Variants in ARHGAP15 observed in about 807,000 individuals in gnomAD.
ARHGAP15 encodes rho GTPase-activating protein 15.
Under a neutral mutation model 63.7 loss-of-function variants are expected in ARHGAP15, and 51 were observed. That is an observed-to-expected ratio of 0.80 (90% CI 0.64 to 1.01). The LOEUF (loss-of-function observed/expected upper bound fraction) is 1.01, where lower values mean the gene tolerates loss of function less well. Among genes scored for constraint, ARHGAP15 ranks in the 50% least tolerant of loss-of-function variants. The pLI, the probability that ARHGAP15 is intolerant of heterozygous loss-of-function variation, is 0.00. For synonymous variants in ARHGAP15, 191 were observed against 193.8 expected, an observed-to-expected ratio of 0.99 and a Z score of 0.12; for missense variants, 560 against 564.6, an observed-to-expected ratio of 0.99 and a Z score of 0.08.
chr2:143,153,777 A>ATCT lies in ARHGAP15; in HGVS notation c.-14-1634_-14-1632dup, dbSNP rs1175995548. Among the ~76,000 whole-genome samples the ATCT allele has an allele frequency of 3.1e-3, 263 of 85,238 alleles. 8 individuals carry two copies. The highest frequency in any genetic ancestry group is 9.4e-3 in the African/African-American group (217 of 23,172). 55.9% of individuals were successfully genotyped at this position (85,238 alleles called of 152,430 possible). On this transcript the variant is annotated intron_variant, in intron 1 of 13. Transcript: ENST00000295095. ...TTATATAAATGAAATTATATAATAA[A>ATCT]TCTTCTTCTTCTTCTTCTTCTTCTT... is the stretch of plus-strand genomic sequence containing the variant.
At chr2:143,712,257 A>C (rs1684615129) in intron 13 of ARHGAP15, among the ~76,000 whole-genome samples, 1 of 152,274 alleles carries the variant, frequency 6.6e-6, no homozygotes, top group Admixed American at 6.5e-5. Context: ...GATGGCACCC[A>C]GATTTTGAAT....
At chr2:143,672,068 A>T (rs1013153481) in intron 12 of ARHGAP15, among the ~76,000 whole-genome samples, 2 of 152,236 alleles carry the variant, frequency 1.3e-5, no homozygotes, top group African/African-American at 2.4e-5. Context: ...GAAACATATC[A>T]GTAATTATAA....
At chr2:143,526,443 G>C (rs1333565521) in intron 10 of ARHGAP15, among the ~76,000 whole-genome samples, 1 of 152,122 alleles carries the variant, frequency 6.6e-6, no homozygotes, top group East Asian at 1.9e-4. Context: ...CTTGGAGTCA[G>C]TTGGAAGGAA....
At chr2:143,605,920 C>T (rs1697989007) in intron 11 of ARHGAP15, among the ~76,000 whole-genome samples, 1 of 145,828 alleles carries the variant, frequency 6.9e-6, no homozygotes, top group Admixed American at 6.9e-5. Flanking sequence ...CCTGTAGTTC[C>T]AGCTACTTGG....
At chr2:143,196,854 A>C (rs1691902745) in intron 2 of ARHGAP15, among the ~76,000 whole-genome samples, 1 of 151,990 alleles carries the variant, frequency 6.6e-6, no homozygotes, top group Non-Finnish European at 1.5e-5. Context: ...AATACATTAA[A>C]GCTTCTCAGA....
At chr2:143,332,143 T>C (rs771821511) in intron 6 of ARHGAP15, among the ~76,000 whole-genome samples, 3 of 152,158 alleles carry the variant, frequency 2.0e-5, no homozygotes, top group Non-Finnish European at 4.4e-5. Flanking sequence ...GTACAATAAT[T>C]AGATCATGGT....
chr2:143,257,710 C>A (rs1680496965), intron 6 of ARHGAP15, among the ~76,000 whole-genome samples: 2 of 152,068 alleles, frequency 1.3e-5, no homozygotes, highest in African/African-American at 2.4e-5. Context: ...CGCACTTTCT[C>A]TGTTTTCCCA....
rs532539266 is a variant in ARHGAP15 at position 143,763,702 on chromosome 2, A to G, written c.1245-4287A>G. Among the ~76,000 whole-genome samples, 168 of 129,084 alleles carry G rather than the reference A, an allele frequency of 1.3e-3. 2 individuals carry two copies. Among genetic ancestry groups the G allele is most frequent in the Non-Finnish European group, 1.5e-3 (92 of 62,102 alleles). 84.7% of individuals were successfully genotyped at this position (129,084 alleles called of 152,430 possible). A position where few individuals can be genotyped will look rare whatever the true frequency, so the allele number is the denominator to read the frequency against. ...AAATTGCATATGTATATGTATGTGTATGTATATGTGTATGTATATGTATGT... is the reference window on the plus strand; with the variant it reads ...AAATTGCATATGTATATGTATGTGTGTGTATATGTGTATGTATATGTATGT... On this transcript the variant is annotated intron_variant, in intron 13 of 13. Transcript: ENST00000295095.
At chr2:143,481,437 A>G (rs965184163) in intron 8 of ARHGAP15, among the ~76,000 whole-genome samples, 1 of 152,196 alleles carries the variant, frequency 6.6e-6, no homozygotes, top group African/African-American at 2.4e-5. Context: ...ATGTAATTGT[A>G]ACATGGGAAT....
chr2:143,455,170 G>A lies in ARHGAP15; in HGVS notation c.703+18128G>A, dbSNP rs564896576. 5.3e-5 allele frequency among the ~76,000 whole-genome samples: 8 copies of A among 152,102 alleles called. No homozygotes were observed. The South Asian group carries it at 6.2e-4, about 12-fold the overall frequency. On this transcript the variant is annotated intron_variant, in intron 8 of 13. Coordinates refer to ENST00000295095, the MANE Select transcript of ARHGAP15 (RefSeq NM_018460.4). ...CTGCTGGTTGGCTATTTTTATTGTC[G>A]TTTCTTGATTATATGCTAAACAAGG...
At chr2:143,371,594 T>TG (rs1262952175) in intron 6 of ARHGAP15, among the ~76,000 whole-genome samples, 1 of 152,224 alleles carries the variant, frequency 6.6e-6, no homozygotes, top group African/African-American at 2.4e-5. Context: ...TGATTTGGTT[T>TG]GGTAATAATC....
chr2:143,399,490 A>G (rs965157595), intron 6 of ARHGAP15, among the ~76,000 whole-genome samples: 1 of 152,082 alleles, frequency 6.6e-6, no homozygotes, highest in Non-Finnish European at 1.5e-5. Context: ...AAATAATAAT[A>G]ATAACGATAA....
At chr2:143,765,630 G>C (rs1686922761) in intron 13 of ARHGAP15, among the ~76,000 whole-genome samples, 1 of 152,120 alleles carries the variant, frequency 6.6e-6, no homozygotes, top group Non-Finnish European at 1.5e-5. Context: ...CTATCACCAG[G>C]CTGTCCATTA....
intron 1 of ARHGAP15, among the ~76,000 whole-genome samples, chr2:143,154,594 A>G (rs1690006588): frequency 6.6e-6 from 1 of 151,930 alleles, no homozygotes; most frequent in Non-Finnish European, 1.5e-5. Flanking sequence ...GAAAATGAGA[A>G]GATGTGTTTG....
At chr2:143,493,648 TC>T (rs1306759708) in intron 9 of ARHGAP15, among the ~76,000 whole-genome samples, 1 of 152,188 alleles carries the variant, frequency 6.6e-6, no homozygotes, top group African/African-American at 2.4e-5. Context: ...CTTGCTTTTT[TC>T]CCCCTGAGTA....
chr2:143,357,689 G>A (rs1296076667), intron 6 of ARHGAP15, among the ~76,000 whole-genome samples: 1 of 152,120 alleles, frequency 6.6e-6, no homozygotes, highest in East Asian at 1.9e-4. Context: ...TTAAGATTAA[G>A]TTGAGTATAG....
chr2:143,539,865 T>G (rs1185097592), intron 10 of ARHGAP15, among the ~76,000 whole-genome samples: 1 of 152,056 alleles, frequency 6.6e-6, no homozygotes, highest in East Asian at 1.9e-4. Context: ...TGTTGACTTG[T>G]GGTGGAGGGT....
chr2:143,267,303 A>G (rs1037072181), intron 6 of ARHGAP15, among the ~76,000 whole-genome samples: 4 of 152,212 alleles, frequency 2.6e-5, no homozygotes, highest in Non-Finnish European at 5.9e-5. Context: ...CACATTTAAC[A>G]TAATTTATTG....
intron 6 of ARHGAP15, among the ~76,000 whole-genome samples, chr2:143,294,154 C>G (rs1682530452): frequency 2.0e-5 from 3 of 152,140 alleles, no homozygotes; most frequent in Admixed American, 6.6e-5. Flanking sequence ...GTTATTCTTA[C>G]ATACTCTGGA....
Sources: allele counts gnomAD v4.1 joint callset (sites outside exome capture counted in the v4.1 genomes callset), GRCh38; gene constraint gnomAD v4.1.1; transcripts MANE v1.5; gene names NCBI Gene and HGNC (gene_info 2026-07-23, HGNC 2026-07-21).